Variants in COL5A2 observed in about 807,000 individuals in gnomAD.
The protein encoded by COL5A2 is collagen alpha-2(V) chain.
COL5A2 carries 23 observed loss-of-function variants against 208.2 expected under a neutral mutation model. The observed-to-expected ratio is 0.11, with a 90% CI of 0.08 to 0.16. The LOEUF is 0.16. Ranked by LOEUF, COL5A2 falls within the 10% of genes least tolerant of loss-of-function variation. The probability of loss-of-function intolerance (pLI) is 1.00; values close to 1 mark genes in which losing one functional copy is unlikely to be tolerated. For synonymous variants in COL5A2, 625 were observed against 628.5 expected, an observed-to-expected ratio of 0.99 and a Z score of 0.08; for missense variants, 1,590 against 1,956.4, an observed-to-expected ratio of 0.81 and a Z score of 3.53.
intron 1 of COL5A2, among the ~76,000 whole-genome samples, chr2:189,141,817 T>A (rs1386005158): frequency 6.6e-6 from 1 of 152,200 alleles, no homozygotes; most frequent in Non-Finnish European, 1.5e-5. Flanking sequence ...AAGCCATCTC[T>A]TTTTCACTTG....
At chr2:189,392,743 C>T in the COL5A2 span, among the ~76,000 whole-genome samples, 1 of 152,132 alleles carries the variant, frequency 6.6e-6, no homozygotes, top group Admixed American at 6.6e-5. Context: ...GTAAATCATA[C>T]TCATCAAATG....
chr2:189,063,785 T>A (rs1313222707), intron 26 of COL5A2, among the ~76,000 whole-genome samples, 195 bp downstream of exon 26: 1 of 152,186 alleles, frequency 6.6e-6, no homozygotes, highest in African/African-American at 2.4e-5. Context: ...CAAATATTTA[T>A]CTTAGTAAAA....
chr2:189,162,370 G>GA (rs1688384105), intron 1 of COL5A2, among the ~76,000 whole-genome samples: 2 of 152,158 alleles, frequency 1.3e-5, no homozygotes, highest in African/African-American at 4.8e-5. Flanking sequence ...CCTCTGTAGA[G>GA]AAAAGCAAGT....
chr2:189,147,578 C>T (rs1453245696), intron 1 of COL5A2, among the ~76,000 whole-genome samples: 1 of 152,096 alleles, frequency 6.6e-6, no homozygotes, highest in Admixed American at 6.6e-5. Context: ...GATTGAATCA[C>T]CATGGGATTT....
At chr2:189,291,822 A>G in the COL5A2 span, among the ~76,000 whole-genome samples, 7 of 151,808 alleles carry the variant, frequency 4.6e-5, no homozygotes, top group South Asian at 2.1e-4. Flanking sequence ...AACTTGCTCT[A>G]TTCTATACTG....
rs1307648678 is a variant in COL5A2 at position 189,058,461 on chromosome 2, T to G, written c.2197A>C (p.Met733Leu). 4.3e-6 allele frequency: 7 copies of G among 1,613,934 alleles called. No homozygotes were observed. In the Admixed American group the frequency reaches 1.2e-4, roughly 27 times the overall value. ...GITGLPGEKG[M>L]AGGHGPDGPK... The stretch of plus-strand genomic sequence containing the variant: ...CCATCAGGACCATGTCCTCCAGCCA[T>G]TCCCTTCTCACCAGGGAGTCCAGTT... Residue 733 changes from methionine (M) to leucine (L), a missense_variant, in exon 33 of 54, where the codon ATG (methionine) becomes CTG (leucine). Coordinates refer to ENST00000374866, the MANE Select transcript of COL5A2 (RefSeq NM_000393.5).
At chr2:189,311,245 C>T in the COL5A2 span, 502 of 1,456,316 alleles carry the variant, frequency 3.4e-4, 1 homozygote, top group South Asian at 3.9e-3. Flanking sequence ...CAAAGGGTAC[C>T]CTGCTTCTGC....
chr2:189,159,386 G>C (rs1267523754), intron 1 of COL5A2, among the ~76,000 whole-genome samples: 2 of 152,126 alleles, frequency 1.3e-5, no homozygotes, highest in African/African-American at 4.8e-5. Context: ...TTAGAATCCA[G>C]AGACCCAGAA....
chr2:189,125,130 C>T (rs1687582378), intron 1 of COL5A2, among the ~76,000 whole-genome samples: 1 of 152,096 alleles, frequency 6.6e-6, no homozygotes, highest in Non-Finnish European at 1.5e-5. Context: ...CTTTTCATGA[C>T]TGGACCATAT....
chr2:189,181,277 C>T (rs1289908689), upstream of COL5A2, among the ~76,000 whole-genome samples: 1 of 152,144 alleles, frequency 6.6e-6, no homozygotes, highest in African/African-American at 2.4e-5. Flanking sequence ...TTGTTTCCAG[C>T]TTCTAACCCT....
At chr2:189,183,882 A>C (rs1688814024), upstream of COL5A2, among the ~76,000 whole-genome samples, 1 of 152,194 alleles carries the variant, frequency 6.6e-6, no homozygotes, top group Non-Finnish European at 1.5e-5. Flanking sequence ...CACATAAAGC[A>C]GTTTCACACC....
intron 1 of COL5A2, among the ~76,000 whole-genome samples, chr2:189,162,907 C>A (rs531834290): frequency 6.6e-6 from 1 of 152,112 alleles, no homozygotes; most frequent in Admixed American, 6.5e-5. Flanking sequence ...TAAAGGAGGG[C>A]AAGCAGCATA....
chr2:189,129,405 ATT>A (rs894422586), intron 1 of COL5A2, among the ~76,000 whole-genome samples: 2 of 152,010 alleles, frequency 1.3e-5, no homozygotes, highest in African/African-American at 4.8e-5. Context: ...TTGAAAACTG[ATT>A]TTTCAATGAG....
chr2:189,058,080 T>G (rs971766279), intron 33 of COL5A2, among the ~76,000 whole-genome samples: 3 of 152,206 alleles, frequency 2.0e-5, no homozygotes, highest in African/African-American at 7.2e-5. Flanking sequence ...AGCATATTAT[T>G]AGAAAAGCCT....
At chr2:189,080,743 A>G (rs1686514658) in intron 13 of COL5A2, among the ~76,000 whole-genome samples, 1 of 151,978 alleles carries the variant, frequency 6.6e-6, no homozygotes, top group Non-Finnish European at 1.5e-5. Context: ...TCATCACTGT[A>G]CCCTCTTTTG....
At chr2:189,125,941 A>G (rs1255783119) in intron 1 of COL5A2, among the ~76,000 whole-genome samples, 2 of 152,074 alleles carry the variant, frequency 1.3e-5, no homozygotes, top group Non-Finnish European at 2.9e-5. Flanking sequence ...TCCTTTAACT[A>G]TAGACGGATA....
the COL5A2 span, among the ~76,000 whole-genome samples, chr2:189,345,357 G>A: frequency 6.6e-6 from 1 of 152,180 alleles, no homozygotes; most frequent in Non-Finnish European, 1.5e-5. Context: ...GTTCATGGAA[G>A]TGGTCTAGGC....
chr2:189,095,469 C>T (rs1041846254), intron 6 of COL5A2, among the ~76,000 whole-genome samples: 2 of 151,956 alleles, frequency 1.3e-5, no homozygotes, highest in African/African-American at 4.8e-5. Flanking sequence ...AAATCTACCC[C>T]CCTTTCTCCC....
the COL5A2 span, among the ~76,000 whole-genome samples, chr2:189,437,459 C>G: frequency 1.3e-5 from 2 of 152,200 alleles, no homozygotes; most frequent in East Asian, 3.9e-4. Flanking sequence ...TGTGCAACAA[C>G]ATTTCAAACC....
Sources: allele counts gnomAD v4.1 joint callset (sites outside exome capture counted in the v4.1 genomes callset), GRCh38; gene constraint gnomAD v4.1.1; transcripts MANE v1.5; gene names NCBI Gene and HGNC (gene_info 2026-07-23, HGNC 2026-07-21).